The following GNA11 variants were observed in gnomAD, a reference collection of about 807,000 sequenced individuals.
GNA11 encodes the protein guanine nucleotide-binding protein subunit alpha-11.
In GNA11, 8 loss-of-function variants were observed where a neutral mutation model predicts 38.2. The observed-to-expected ratio is 0.21, with a 90% CI of 0.12 to 0.38. The LOEUF (loss-of-function observed/expected upper bound fraction) is 0.38. GNA11 is among the 10% of genes least tolerant of loss of function. The pLI is 1.00. For missense variants in GNA11, 268 were observed against 516.3 expected (o/e 0.52, Z 4.66); for synonymous variants, 211 against 221.4 (o/e 0.95, Z 0.42).
chr19:3,120,872 T>G lies in GNA11; in HGVS notation c.890-117T>G, dbSNP rs1599308601. 2.2e-5 allele frequency: 15 copies of G among 671,552 alleles called. No individual in the cohort carries two copies. Among genetic ancestry groups the G allele is most frequent in the South Asian group, 7.6e-5 (4 of 52,402 alleles). 41.6% of individuals were successfully genotyped at this position (671,552 alleles called of 1,614,324 possible). Reference sequence around the variant, plus strand: ...CGTCAGGCATGCAGTGGGCTGGGGGTCGAGCTGGGTGGGCCGTGGGCCTTA... The same window carrying G: ...CGTCAGGCATGCAGTGGGCTGGGGGGCGAGCTGGGTGGGCCGTGGGCCTTA... On this transcript the variant is annotated intron_variant, in intron 6 of 6. Coordinates refer to ENST00000078429, the MANE Select transcript of GNA11 (RefSeq NM_002067.5). This position sits in a 1 kb window ranked among gnomAD's most constrained non-coding sequence, Gnocchi z 5.9.
chr19:3,098,550 G>C (rs920090664), intron 1 of GNA11, among the ~76,000 whole-genome samples: 1 of 152,228 alleles, frequency 6.6e-6, no homozygotes, highest in African/African-American at 2.4e-5. Flanking sequence ...GGCTGCTAGC[G>C]AGGCTGAGCC....
chr19:3,114,455 G>T lies in GNA11; in HGVS notation c.477-489G>T, dbSNP rs575911855. On this transcript the variant is annotated intron_variant, in intron 3 of 6. Coordinates refer to ENST00000078429, the MANE Select transcript of GNA11 (RefSeq NM_002067.5). ...TGGCTCATTGCTCGTGGTGGGTGCC[G>T]CACCCACGTACAGGGAGCAGCAGGG... is the stretch of plus-strand genomic sequence containing the variant. Among the ~76,000 whole-genome samples, 18 of 152,248 alleles carry T rather than the reference G, an allele frequency of 1.2e-4. No homozygotes were observed. The South Asian group carries it at 3.7e-3, about 32-fold the overall frequency.
At chr19:3,115,930 C>A (rs1242811056) in intron 4 of GNA11, among the ~76,000 whole-genome samples, 1 of 73,022 alleles carries the variant, frequency 1.4e-5, no homozygotes, top group South Asian at 4.0e-4. Flanking sequence ...TCATGGGGAC[C>A]GAGGCTGTGA....
chr19:3,116,917 ACC>A (rs2145323594), intron 4 of GNA11, among the ~76,000 whole-genome samples: 1 of 151,642 alleles, frequency 6.6e-6, no homozygotes, highest in East Asian at 2.0e-4. Flanking sequence ...TGGGGGTGCC[ACC>A]CCCTGCCATC....
Position 3,110,419 on chromosome 19 carries a change from G to C in GNA11, c.321+86G>C. 1 of 1,133,712 alleles carries C rather than the reference G, an allele frequency of 8.8e-7. No individual in the cohort carries two copies. The highest frequency in any genetic ancestry group is 1.3e-6 in the Non-Finnish European group (1 of 777,592). The allele number at this position is 1,133,712 out of a possible 1,614,324, so 70.2% of individuals were successfully genotyped here. On this transcript the variant is annotated intron_variant, in intron 2 of 6. Coordinates refer to ENST00000078429, the MANE Select transcript of GNA11 (RefSeq NM_002067.5). This position sits in a 1 kb window ranked among gnomAD's most constrained non-coding sequence, Gnocchi z 5.4. ...ATGGTGGCCGCGCTGCCAGGGTGGG[G>C]CCATGCCGGGGGTCCCGGCCGGCCC...
intron 4 of GNA11, chr19:3,115,368 G>T: frequency 3.0e-6 from 1 of 335,150 alleles, no homozygotes; most frequent in South Asian, 4.5e-5. Context: ...TGGCACCACT[G>T]GACTCCAGCC....
chr19:3,123,657 T>A lies in GNA11; in HGVS notation c.*2478T>A. 4.3e-6 allele frequency: 1 copy of A among 233,142 alleles called. No individual in the cohort carries two copies. Among genetic ancestry groups the A allele is most frequent in the South Asian group, 1.8e-4 (1 of 5,534 alleles). 14.4% of individuals were successfully genotyped at this position (233,142 alleles called of 1,614,324 possible). A position where few individuals can be genotyped will look rare whatever the true frequency, so the allele number is the denominator to read the frequency against. ...GTCCCCCGGCTCCCCCAGGGAGGCATCCCCGTGCCAATGTCCCCCAGTGGT... is the reference window on the plus strand; with the variant it reads ...GTCCCCCGGCTCCCCCAGGGAGGCAACCCCGTGCCAATGTCCCCCAGTGGT... On this transcript the variant is annotated 3_prime_UTR_variant, in exon 7 of 7. Transcript: ENST00000078429.
In GNA11 at chr19:3,094,808, T is replaced by C; in HGVS notation, c.136+21T>C. 6.5e-7 allele frequency: 1 copy of C among 1,529,334 alleles called. No individual in the cohort carries two copies. Among genetic ancestry groups the C allele is most frequent in the Non-Finnish European group, 8.8e-7 (1 of 1,140,606 alleles). 94.7% of individuals were successfully genotyped at this position (1,529,334 alleles called of 1,614,324 possible). ...GCTCGGTGAGTGCGGCCCCCGGGCC[T>C]GCCGGCTGCGGGCCCTGCCCTGCCT... On this transcript the variant is annotated intron_variant, in intron 1 of 6. Transcript: ENST00000078429. The surrounding 1 kb of genome is among the most constrained non-coding windows in gnomAD (Gnocchi z 6.0).
In GNA11 at chr19:3,110,429, G is replaced by A. The variant is rs1238054777; in HGVS notation, c.321+96G>A. Reference sequence around the variant, plus strand: ...CGCTGCCAGGGTGGGGCCATGCCGGGGGTCCCGGCCGGCCCAGGCTACCCC... The same window carrying A: ...CGCTGCCAGGGTGGGGCCATGCCGGAGGTCCCGGCCGGCCCAGGCTACCCC... On this transcript the variant is annotated intron_variant, in intron 2 of 6. Coordinates refer to ENST00000078429, the MANE Select transcript of GNA11 (RefSeq NM_002067.5). This position sits in a 1 kb window ranked among gnomAD's most constrained non-coding sequence, Gnocchi z 5.4. 5 of 1,025,832 alleles carry A rather than the reference G, an allele frequency of 4.9e-6. No homozygotes were observed. In the Admixed American group the frequency reaches 6.7e-5, roughly 14 times the overall value. 63.5% of individuals were successfully genotyped at this position (1,025,832 alleles called of 1,614,324 possible).
In GNA11 at chr19:3,108,020, C is replaced by G. The variant is rs1388842653; in HGVS notation, c.137-2129C>G. Among the ~76,000 whole-genome samples, 1 of 152,166 alleles carries G rather than the reference C, an allele frequency of 6.6e-6. No homozygotes were observed. The highest frequency in any genetic ancestry group is 1.5e-5 in the Non-Finnish European group (1 of 68,022). On this transcript the variant is annotated intron_variant, in intron 1 of 6. Coordinates refer to ENST00000078429, the MANE Select transcript of GNA11 (RefSeq NM_002067.5). This position sits in a 1 kb window ranked among gnomAD's most constrained non-coding sequence, Gnocchi z 4.5. ...GAGGTGGATTACTACCTGAGACAAT[C>G]AAAATCAATTTTCTTTCTTCTGAAA...
chr19:3,109,277 A>G (rs1035382678), intron 1 of GNA11, among the ~76,000 whole-genome samples: 18 of 151,756 alleles, frequency 1.2e-4, no homozygotes, highest in Non-Finnish European at 1.8e-4. Context: ...TGGAGTGAGG[A>G]CCCCCATGTC....
Position 3,121,050 on chromosome 19 carries a change from C to T in GNA11, c.951C>T (p.Asn317=), listed in dbSNP as rs2145328916. Residue 317 remains asparagine (N), a synonymous_variant, in exon 7 of 7, where the codon AAC becomes AAT. Coordinates refer to ENST00000078429, the MANE Select transcript of GNA11 (RefSeq NM_002067.5). ...TCCTGAAGATGTTCGTGGACCTGAA[C>T]CCCGACAGCGACAAGATCATCTACT... ...EFILKMFVDL[N]PDSDKIIYSH... 3 of 1,613,730 alleles carry T rather than the reference C, an allele frequency of 1.9e-6. No homozygotes were observed. The East Asian group carries it at 6.7e-5, about 36-fold the overall frequency.
At chr19:3,106,412 C>G (rs1361852714) in intron 1 of GNA11, among the ~76,000 whole-genome samples, 1 of 152,230 alleles carries the variant, frequency 6.6e-6, no homozygotes, top group Non-Finnish European at 1.5e-5. Context: ...AATGTAGTCA[C>G]GTTGCCTGGC....
At chr19:3,115,135 G>A (rs1387235586) in intron 4 of GNA11, 63 bp downstream of exon 4, 11 of 1,567,288 alleles carry the variant, frequency 7.0e-6, no homozygotes, top group Admixed American at 1.7e-5. Context: ...CCGGTGTGCC[G>A]GCTCATGCCT....
chr19:3,121,704 T>C lies in GNA11; in HGVS notation c.*525T>C. ...GCGTGGAGACTCGGAGACGGACGTTTTTCCCCTTTTTTAAGTTATTGACGC... is the reference window on the plus strand; with the variant it reads ...GCGTGGAGACTCGGAGACGGACGTTCTTCCCCTTTTTTAAGTTATTGACGC... On this transcript the variant is annotated 3_prime_UTR_variant, in exon 7 of 7. Coordinates refer to ENST00000078429, the MANE Select transcript of GNA11 (RefSeq NM_002067.5). 1 of 232,706 alleles carries C rather than the reference T, an allele frequency of 4.3e-6. No individual in the cohort carries two copies. The allele number at this position is 232,706 out of a possible 1,614,324, so 14.4% of individuals were successfully genotyped here. A position where few individuals can be genotyped will look rare whatever the true frequency, so the allele number is the denominator to read the frequency against.
At chr19:3,105,831 G>C (rs1237999174) in intron 1 of GNA11, among the ~76,000 whole-genome samples, 1 of 152,208 alleles carries the variant, frequency 6.6e-6, no homozygotes, top group Non-Finnish European at 1.5e-5. Context: ...TACGAGTAAA[G>C]CTGCCGTGGT....
Position 3,113,608 on chromosome 19 carries a change from G to A in GNA11, c.476+124G>A, listed in dbSNP as rs545577125. 6.8e-5 allele frequency: 47 copies of A among 691,068 alleles called. No homozygotes were observed. The African/African-American group carries it at 6.9e-4, about 10-fold the overall frequency. The allele number at this position is 691,068 out of a possible 1,614,324, so 42.8% of individuals were successfully genotyped here. A position where few individuals can be genotyped will look rare whatever the true frequency, so the allele number is the denominator to read the frequency against. On this transcript the variant is annotated intron_variant, in intron 3 of 6. Transcript: ENST00000078429. ...GCCTGCTCGCCGGGGGCAGGGATGC[G>A]GTGGGCCCGGGCCACCTGGCCGGAT...
intron 4 of GNA11, among the ~76,000 whole-genome samples, chr19:3,116,636 CCT>C (rs1425438229): frequency 2.6e-5 from 4 of 152,252 alleles, no homozygotes; most frequent in African/African-American, 7.2e-5. Context: ...CCGCACAGAC[CCT>C]GTTTCCAGAT....
chr19:3,121,426 T>G lies in GNA11; in HGVS notation c.*247T>G, dbSNP rs1599309054. On this transcript the variant is annotated 3_prime_UTR_variant, in exon 7 of 7. Transcript: ENST00000078429. ...GTCAACGGCAAAGGCAGCCTTTTTC[T>G]GGCCTTGACTTATGGCTCGCTTTTT... 3.1e-6 allele frequency: 1 copy of G among 321,104 alleles called. No homozygotes were observed. 19.9% of individuals were successfully genotyped at this position (321,104 alleles called of 1,614,324 possible). A position where few individuals can be genotyped will look rare whatever the true frequency, so the allele number is the denominator to read the frequency against.
Sources: allele counts gnomAD v4.1 joint callset (sites outside exome capture counted in the v4.1 genomes callset), GRCh38; gene constraint gnomAD v4.1.1; non-coding constraint Gnocchi (gnomAD v3.1); transcripts MANE v1.5; gene names NCBI Gene and HGNC (gene_info 2026-07-23, HGNC 2026-07-21).